TAF2: variants seen among roughly 807,000 people sequenced by gnomAD.
TAF2 encodes transcription initiation factor TFIID subunit 2.
In TAF2, 61 loss-of-function variants were observed where a neutral mutation model predicts 138.5. The observed-to-expected ratio is 0.44, with a 90% CI of 0.36 to 0.54. The LOEUF (loss-of-function observed/expected upper bound fraction) is 0.54. TAF2 is among the 20% of genes least tolerant of loss of function. The probability of loss-of-function intolerance (pLI) is 0.00; values close to 1 mark genes in which losing one functional copy is unlikely to be tolerated. For synonymous variants in TAF2, 475 were observed against 469.9 expected (o/e 1.01, Z -0.14); for missense variants, 1,090 against 1,427.9 (o/e 0.76, Z 3.81).
intron 18 of TAF2, 107 bp from the exon 19 acceptor site, chr8:119,762,715 C>T: frequency 9.3e-7 from 1 of 1,073,422 alleles, no homozygotes; most frequent in East Asian, 2.6e-5. Flanking sequence ...AAAATTTTCC[C>T]AAAACACAAG....
chr8:119,795,389 C>A, intron 9 of TAF2, 143 bp downstream of exon 9: 1 of 764,240 alleles, frequency 1.3e-6, no homozygotes, highest in Admixed American at 2.1e-5. Context: ...ATAAAATAGA[C>A]CATTAGTCTT....
chr8:119,789,901 G>A (rs1258927123), intron 11 of TAF2, among the ~76,000 whole-genome samples, 155 bp from the exon 12 acceptor site: 1 of 152,016 alleles, frequency 6.6e-6, no homozygotes. Flanking sequence ...ACTAGCAATA[G>A]AAATATGCAA....
chr8:119,815,007 C>T (rs1418416091), intron 3 of TAF2, among the ~76,000 whole-genome samples: 1 of 151,178 alleles, frequency 6.6e-6, no homozygotes, highest in Non-Finnish European at 1.5e-5. Context: ...TTTGGGAGGC[C>T]GAGGCAGGCA....
At chr8:119,791,547 A>C in intron 10 of TAF2, 88 bp from the exon 11 acceptor site, 1 of 1,457,402 alleles carries the variant, frequency 6.9e-7, no homozygotes, top group Non-Finnish European at 9.3e-7. Context: ...GAAAATACCC[A>C]AAAAACCTCA....
At chr8:119,751,728 G>A (rs1411041599) in intron 22 of TAF2, among the ~76,000 whole-genome samples, 1 of 152,080 alleles carries the variant, frequency 6.6e-6, no homozygotes, top group East Asian at 1.9e-4. Flanking sequence ...CTTTAAAAAC[G>A]ACTGCCCCTG....
chr8:119,764,022 G>C (rs992706699), intron 18 of TAF2, among the ~76,000 whole-genome samples: 1 of 145,920 alleles, frequency 6.9e-6, no homozygotes, highest in Non-Finnish European at 1.5e-5. Context: ...GGTGGCACAC[G>C]CCTATAATCC....
chr8:119,797,244 A>G (rs1448194489), intron 7 of TAF2, 141 bp from the exon 8 acceptor site: 1 of 695,060 alleles, frequency 1.4e-6, no homozygotes, highest in Non-Finnish European at 2.4e-6. Context: ...TTCAAAATTT[A>G]GCTAAAATTC....
At chr8:119,760,245 G>C (rs1485806282) in intron 20 of TAF2, among the ~76,000 whole-genome samples, 1 of 151,964 alleles carries the variant, frequency 6.6e-6, no homozygotes, top group African/African-American at 2.4e-5. Flanking sequence ...TTTATGTCTA[G>C]TCCTCTACTT....
At chr8:119,808,531 G>A (rs1337602271) in intron 3 of TAF2, among the ~76,000 whole-genome samples, 4 of 152,080 alleles carry the variant, frequency 2.6e-5, no homozygotes, top group Non-Finnish European at 5.9e-5. Flanking sequence ...GTCCTTAATG[G>A]CATCCAGAAT....
At chr8:119,779,186 C>T (rs4871595) in intron 17 of TAF2, among the ~76,000 whole-genome samples, 87,804 of 151,368 alleles carry the variant, frequency 0.58, 25,636 homozygotes, top group Middle Eastern at 0.75. Flanking sequence ...TATAAAAGCA[C>T]TGACTTTCCA....
chr8:119,810,138 A>T (rs1003531650), intron 3 of TAF2, among the ~76,000 whole-genome samples: 2 of 152,114 alleles, frequency 1.3e-5, no homozygotes, highest in African/African-American at 4.8e-5. Flanking sequence ...CAGTTGTACA[A>T]ATTTTAACAT....
rs1212633704 is a variant in TAF2 at position 119,736,609 on chromosome 8, C to A, written c.3338-4423G>T. ...ATCTTTGTTTTCCTATAGACTTATA[C>A]CACTGGGTAATAGTAAATGAAGAGA... On this transcript the variant is annotated intron_variant, in intron 25 of 25. Transcript: ENST00000378164. 5.3e-5 allele frequency among the ~76,000 whole-genome samples: 8 copies of A among 152,114 alleles called. No homozygotes were observed. The East Asian group carries it at 1.5e-3, about 29-fold the overall frequency.
At chr8:119,745,083 C>T (rs929579744) in intron 23 of TAF2, 3 of 454,696 alleles carry the variant, frequency 6.6e-6, no homozygotes, top group Non-Finnish European at 1.3e-5. Flanking sequence ...AGACGAGTAG[C>T]TCATATTATA....
Position 119,793,437 on chromosome 8 carries a change from T to C in TAF2, c.1206A>G (p.Ile402Met). Residue 402 changes from isoleucine to methionine, a missense_variant, in exon 10 of 26, where the codon ATA becomes ATG. Coordinates refer to ENST00000378164, the MANE Select transcript of TAF2 (RefSeq NM_003184.4). The stretch of plus-strand genomic sequence containing the variant: ...CACCAGTTTTTAGTTCATATGCCAC[T>C]ATTTTGTCTAGCTCCTAAAAAATAT... The part of the protein sequence containing the change: ...RHWIKEELDK[I>M]VAYELKTGGV... 6.2e-7 allele frequency: 1 copy of C among 1,612,666 alleles called. No homozygotes were observed. The highest frequency in any genetic ancestry group is 1.1e-5 in the South Asian group (1 of 90,982).
At chr8:119,752,840 T>C (rs1820443991) in intron 22 of TAF2, among the ~76,000 whole-genome samples, 1 of 152,186 alleles carries the variant, frequency 6.6e-6, no homozygotes, top group Admixed American at 6.5e-5. Flanking sequence ...CAAATCCACT[T>C]TGTGGAGAGA....
chr8:119,791,119 C>T (rs1230366336), intron 11 of TAF2, among the ~76,000 whole-genome samples: 1 of 152,090 alleles, frequency 6.6e-6, no homozygotes, highest in Non-Finnish European at 1.5e-5. Context: ...CTAATTATAT[C>T]TTCATAAAAT....
Position 119,731,806 on chromosome 8 carries a change from A to T in TAF2, c.*118T>A. On this transcript the variant is annotated 3_prime_UTR_variant, in exon 26 of 26. Transcript: ENST00000378164. ...TGCTTAGAACTTAAATGAATTCAGAATTTCTGTAGGAGAGGCGAATCCTTT... is the reference window on the plus strand; with the variant it reads ...TGCTTAGAACTTAAATGAATTCAGATTTTCTGTAGGAGAGGCGAATCCTTT... The T allele has an allele frequency of 1.0e-6, 1 of 986,708 alleles. No individual in the cohort carries two copies. Among genetic ancestry groups the T allele is most frequent in the Non-Finnish European group, 1.6e-6 (1 of 622,738 alleles). 61.1% of individuals were successfully genotyped at this position (986,708 alleles called of 1,614,324 possible).
In TAF2 at chr8:119,825,939, G is replaced by A. The variant is rs372664373; in HGVS notation, c.138+5738C>T. 1.2e-3 allele frequency among the ~76,000 whole-genome samples: 178 copies of A among 150,978 alleles called. 1 individual carries two copies. In the East Asian group the frequency reaches 0.013, roughly 11 times the overall value. On this transcript the variant is annotated intron_variant, in intron 2 of 25. Coordinates refer to ENST00000378164, the MANE Select transcript of TAF2 (RefSeq NM_003184.4). ...GATCTCCTGACCTCATGATCTGCCCGCCTCGGCCTCCCAAAGTGCTGGGAT... is the reference window on the plus strand; with the variant it reads ...GATCTCCTGACCTCATGATCTGCCCACCTCGGCCTCCCAAAGTGCTGGGAT...
chr8:119,819,535 T>C, intron 2 of TAF2, 29 bp from the exon 3 acceptor site: 1 of 1,543,632 alleles, frequency 6.5e-7, no homozygotes, highest in Non-Finnish European at 8.9e-7. Flanking sequence ...ACAACTTCAT[T>C]ATAAAGACTG....
Sources: gnomAD v4.1 joint callset for allele counts (sites outside exome capture counted in the v4.1 genomes callset) on GRCh38, gnomAD v4.1.1 for gene constraint, MANE v1.5 for transcripts, NCBI Gene and HGNC (gene_info 2026-07-23, HGNC 2026-07-21) for gene names.